AMH: variants seen among roughly 807,000 people sequenced by gnomAD.
The protein encoded by AMH is anti-Mullerian hormone, also known as anti-Muellerian hormone.
A neutral mutation model predicts 33.3 loss-of-function variants in AMH; 39 were observed. That is an observed-to-expected ratio of 1.17 (90% CI 0.91 to 1.53). The LOEUF is 1.53. AMH is among the 40% of genes most tolerant of loss of function. The pLI is 0.00. For missense variants in AMH, 1,019 were observed against 799.8 expected (o/e 1.27, Z -3.30); for synonymous variants, 536 against 403.0 (o/e 1.33, Z -3.95).
intron 1 of AMH, chr19:2,250,136 C>G: frequency 1.2e-6 from 1 of 863,968 alleles, no homozygotes; most frequent in Non-Finnish European, 1.8e-6. Context: ...GGGCGGCAGC[C>G]CCACCCACAG....
Position 2,249,955 on chromosome 19 carries a change from C to T in AMH, c.412+211C>T, listed in dbSNP as rs1191724524. ...GCCCAGCTCTTAGACTTGCCCCTGC[C>T]TCGGTGCCAGGGAGAGAGCTGCTGC... is the stretch of plus-strand genomic sequence containing the variant. On this transcript the variant is annotated intron_variant, in intron 1 of 4. Transcript: ENST00000221496. 3 of 664,336 alleles carry T rather than the reference C, an allele frequency of 4.5e-6. No individual in the cohort carries two copies. In the East Asian group the frequency reaches 8.2e-5, roughly 18 times the overall value. The allele number at this position is 664,336 out of a possible 1,614,324, so 41.2% of individuals were successfully genotyped here.
Position 2,251,765 on chromosome 19 carries a change from C to G in AMH, c.1491C>G (p.Ser497=), listed in dbSNP as rs372782047. The change falls in exon 5 of 5, where the codon TCC becomes TCG. Residue 497 remains serine (S), a synonymous_variant. Coordinates refer to ENST00000221496, the MANE Select transcript of AMH (RefSeq NM_000479.5). ...AGGGCGTGTGCGGCTGGCCTCAGTC[C>G]GACCGCAACCCGCGCTACGGCAACC... is the stretch of plus-strand genomic sequence containing the variant. ...NCQGVCGWPQ[S]DRNPRYGNHV... The G allele has an allele frequency of 4.7e-5, 76 of 1,611,160 alleles. No homozygotes were observed. The highest frequency in any genetic ancestry group is 4.5e-4 in the East Asian group (20 of 44,884).
rs371054070 is a variant in AMH, at chr19:2,251,089, C to A, written c.825-10C>A. ...TGGCCGCTCTCAACTCCTCCAATTG[C>A]GGGTTCCAGGCCATCCGCGGAACTC... On this transcript the variant is annotated splice_polypyrimidine_tract_variant and intron_variant, in intron 4 of 4. Coordinates refer to ENST00000221496, the MANE Select transcript of AMH (RefSeq NM_000479.5). 1 of 1,540,244 alleles carries A rather than the reference C, an allele frequency of 6.5e-7. No individual in the cohort carries two copies. The highest frequency in any genetic ancestry group is 2.5e-5 in the East Asian group (1 of 40,766).
Position 2,251,335 on chromosome 19 carries a change from C to A in AMH, c.1061C>A (p.Ala354Glu). The A allele has an allele frequency of 2.0e-6, 3 of 1,494,726 alleles. No homozygotes were observed. Among genetic ancestry groups the A allele is most frequent in the Non-Finnish European group, 2.7e-6 (3 of 1,129,564 alleles). 92.6% of individuals were successfully genotyped at this position (1,494,726 alleles called of 1,614,324 possible). A position where few individuals can be genotyped will look rare whatever the true frequency, so the allele number is the denominator to read the frequency against. ...EPLLLLLRPT[A>E]ATTGDPAPLH... is the part of the protein sequence containing the mutation. ...CTGCTGCTGCTGCTGAGGCCCACTG[C>A]GGCCACCACCGGGGATCCTGCGCCC... Residue 354 changes from alanine (A) to glutamate (E), a missense_variant, in exon 5 of 5, where the codon GCG (alanine) becomes GAG (glutamate). Physicochemically the swap from Ala to Glu is moderately radical, Grantham distance 107. Transcript: ENST00000221496.
chr19:2,249,662 T>G lies in AMH; in HGVS notation c.330T>G (p.Ala110=). 1 of 1,512,482 alleles carries G rather than the reference T, an allele frequency of 6.6e-7. No individual in the cohort carries two copies. Among genetic ancestry groups the G allele is most frequent in the Non-Finnish European group, 8.8e-7 (1 of 1,134,234 alleles). 93.7% of individuals were successfully genotyped at this position (1,512,482 alleles called of 1,614,324 possible). Reference sequence around the variant, plus strand: ...TCTGCAACACCGGTGACAGGCAGGCTGCCTTGCCCTCTCTACGGCGGCTGG... The same window carrying G: ...TCTGCAACACCGGTGACAGGCAGGCGGCCTTGCCCTCTCTACGGCGGCTGG... The part of the protein sequence containing the change: ...FGVCNTGDRQ[A]ALPSLRRLGA... Residue 110 remains alanine (A), a synonymous_variant, in exon 1 of 5, where the codon GCT becomes GCG. Transcript: ENST00000221496.
chr19:2,249,715 A>G lies in AMH; in HGVS notation c.383A>G (p.Gln128Arg), dbSNP rs1457227159. 8 of 1,507,102 alleles carry G rather than the reference A, an allele frequency of 5.3e-6. No homozygotes were observed. Among genetic ancestry groups the G allele is most frequent in the African/African-American group, 4.2e-5 (3 of 71,594 alleles). 93.4% of individuals were successfully genotyped at this position (1,507,102 alleles called of 1,614,324 possible). Reference sequence around the variant, plus strand: ...GCCTGGCTGCGGGACCCTGGGGGGCAGCGCCTGGTGGTCCTACACCTGGAG... The same window carrying G: ...GCCTGGCTGCGGGACCCTGGGGGGCGGCGCCTGGTGGTCCTACACCTGGAG... ...LGAWLRDPGGQRLVVLHLEEV... is the reference protein window; with the variant it reads ...LGAWLRDPGGRRLVVLHLEEV... Residue 128 changes from glutamine to arginine, a missense_variant, in exon 1 of 5, where the codon CAG becomes CGG. Coordinates refer to ENST00000221496, the MANE Select transcript of AMH (RefSeq NM_000479.5).
In AMH at chr19:2,250,754, G is replaced by C; in HGVS notation, c.658G>C (p.Gly220Arg). The C allele has an allele frequency of 6.5e-7, 1 of 1,535,528 alleles. No homozygotes were observed. Among genetic ancestry groups the C allele is most frequent in the Non-Finnish European group, 8.7e-7 (1 of 1,147,010 alleles). The change falls in exon 3 of 5, where the codon GGA becomes CGA. Residue 220 changes from glycine (G) to arginine (R), a missense_variant. Transcript: ENST00000221496. ...SGLALTLQPR[G>R]EDSRLSTARL... ...GCTGGCCTTGACCCTGCAGCCCCGC[G>C]GAGAGGGTAGGTCCGCGTGGAGAGG...
chr19:2,251,617 G>T lies in AMH; in HGVS notation c.1343G>T (p.Arg448Leu). ...WRGRDPRGPGRAQRSAGATAA... is the reference protein window; with the variant it reads ...WRGRDPRGPGLAQRSAGATAA... The stretch of plus-strand genomic sequence containing the variant: ...GGGCGGGATCCGCGCGGGCCGGGTC[G>T]GGCACAGCGCAGCGCGGGGGCCACC... The change falls in exon 5 of 5, where the codon CGG (arginine) becomes CTG (leucine). Residue 448 changes from arginine (R) to leucine (L), a missense_variant. By Grantham distance (102) the Arg-to-Leu change is moderately radical (BLOSUM62 -2). Coordinates refer to ENST00000221496, the MANE Select transcript of AMH (RefSeq NM_000479.5). 6.9e-7 allele frequency: 1 copy of T among 1,442,326 alleles called. No homozygotes were observed. The highest frequency in any genetic ancestry group is 1.4e-5 in the South Asian group (1 of 70,452). The allele number at this position is 1,442,326 out of a possible 1,614,324, so 89.3% of individuals were successfully genotyped here.
In AMH at chr19:2,250,391, C is replaced by T. The variant is rs1293446711; in HGVS notation, c.467C>T (p.Ala156Val). ...LRFQEPPPGG[A>V]GPPELALLVL... is the part of the protein sequence containing the mutation. Reference sequence around the variant, plus strand: ...TTCCAGGAGCCCCCGCCTGGAGGAGCTGGCCCCCCAGAGCTGGCGCTGCTG... The same window carrying T: ...TTCCAGGAGCCCCCGCCTGGAGGAGTTGGCCCCCCAGAGCTGGCGCTGCTG... The change falls in exon 2 of 5, where the codon GCT (alanine) becomes GTT (valine). Residue 156 changes from alanine (A) to valine (V), a missense_variant. Transcript: ENST00000221496. The T allele has an allele frequency of 6.3e-7, 1 of 1,587,378 alleles. No homozygotes were observed. The highest frequency in any genetic ancestry group is 8.6e-7 in the Non-Finnish European group (1 of 1,168,488).
In AMH at chr19:2,251,646, G is replaced by T. The variant is rs1162167813; in HGVS notation, c.1372G>T (p.Ala458Ser). 6.3e-7 allele frequency: 1 copy of T among 1,595,138 alleles called. No individual in the cohort carries two copies. Among genetic ancestry groups the T allele is most frequent in the Non-Finnish European group, 8.5e-7 (1 of 1,173,408 alleles). ...ACAGCGCAGCGCGGGGGCCACCGCC[G>T]CCGACGGGCCGTGCGCGCTGCGCGA... is the stretch of plus-strand genomic sequence containing the variant. Reference protein sequence around the residue: ...RAQRSAGATAADGPCALRELS... With the variant: ...RAQRSAGATASDGPCALRELS... The change falls in exon 5 of 5, where the codon GCC (alanine) becomes TCC (serine). Residue 458 changes from alanine (A) to serine (S), a missense_variant. Transcript: ENST00000221496.
chr19:2,250,104 G>A lies in AMH; in HGVS notation c.413-233G>A, dbSNP rs142200095. On this transcript the variant is annotated intron_variant, in intron 1 of 4. Transcript: ENST00000221496. ...CCCTGCGGGGAAGGGGCTTCATCGG[G>A]CACCCCAACCCAGAGACCCCAGGGC... 5.1e-4 allele frequency: 347 copies of A among 679,048 alleles called. 1 individual carries two copies. The African/African-American group carries it at 5.8e-3, about 11-fold the overall frequency. The allele number at this position is 679,048 out of a possible 1,614,324, so 42.1% of individuals were successfully genotyped here. A position where few individuals can be genotyped will look rare whatever the true frequency, so the allele number is the denominator to read the frequency against.
intron 2 of AMH, 26 bp from the exon 3 acceptor site, chr19:2,250,626 G>C (rs1170943904): frequency 1.3e-6 from 2 of 1,537,898 alleles, no homozygotes; most frequent in South Asian, 2.4e-5. Flanking sequence ...CCTCCATCCA[G>C]CCGGGCTGAG....
Position 2,251,984 on chromosome 19 carries a change from C to T in AMH, c.*27C>T. 4.6e-6 allele frequency: 7 copies of T among 1,534,388 alleles called. No homozygotes were observed. Among genetic ancestry groups the T allele is most frequent in the East Asian group, 2.4e-5 (1 of 40,962 alleles). On this transcript the variant is annotated 3_prime_UTR_variant, in exon 5 of 5. Transcript: ENST00000221496. ...CCCTGCGCCGCGCGGACTCCTGCCC[C>T]GAGGGTCCGGACGCGCCCCAGCTCG...
intron 1 of AMH, 54 bp from the exon 2 acceptor site, chr19:2,250,283 C>T: frequency 9.0e-6 from 14 of 1,553,150 alleles, no homozygotes; most frequent in Non-Finnish European, 1.1e-5. Flanking sequence ...CCCAAAGATT[C>T]CCGGGGGGTG....
At chr19:2,249,863 G>C (rs913268598) in intron 1 of AMH, 119 bp downstream of exon 1, 1 of 1,234,866 alleles carries the variant, frequency 8.1e-7, no homozygotes, top group Non-Finnish European at 1.1e-6. Context: ...CTGTGGTCTT[G>C]TTCCTAGGAC....
rs1374682589 is a variant in AMH, at chr19:2,249,379, TG to T, written c.52del (p.Ala18LeufsTer59). The T allele has an allele frequency of 1.9e-6, 3 of 1,587,132 alleles. No individual in the cohort carries two copies. Among genetic ancestry groups the T allele is most frequent in the Non-Finnish European group, 8.6e-7 (1 of 1,167,730 alleles). ...AGCCTGGCCCTAGTGCTGTCTGCCC[TG>T]GGGGCTCTGCTGGGGACTGAGGCCC... ...LTSLALVLSA[L>X]GALLGTEALR... On this transcript the variant is annotated frameshift_variant, in exon 1 of 5. Transcript: ENST00000221496. LOFTEE classifies it high-confidence loss of function.
At chr19:2,250,040 A>C in intron 1 of AMH, 1 of 612,052 alleles carries the variant, frequency 1.6e-6, no homozygotes, top group Non-Finnish European at 2.9e-6. Context: ...TTCTTCCCAC[A>C]GCCCCAGCCT....
intron 2 of AMH, 63 bp from the exon 3 acceptor site, chr19:2,250,589 G>A: frequency 3.9e-6 from 6 of 1,536,886 alleles, no homozygotes; most frequent in Non-Finnish European, 4.4e-6. Flanking sequence ...TGGGAGGAAG[G>A]GGACCGGTAG....
Position 2,250,773 on chromosome 19 carries a change from G to A in AMH, c.664+13G>A. On this transcript the variant is annotated intron_variant, in intron 3 of 4. Transcript: ENST00000221496. ...CCCCGCGGAGAGGGTAGGTCCGCGT[G>A]GAGAGGGACGGGGAGCCGGGTCGAC... 1 of 1,535,098 alleles carries A rather than the reference G, an allele frequency of 6.5e-7. No homozygotes were observed. The highest frequency in any genetic ancestry group is 8.7e-7 in the Non-Finnish European group (1 of 1,146,912).
Sources: allele counts gnomAD v4.1 joint callset, GRCh38; gene constraint gnomAD v4.1.1; transcripts MANE v1.5; gene names NCBI Gene and HGNC (gene_info 2026-07-23, HGNC 2026-07-21).